Variants in TRIO observed in about 807,000 individuals in gnomAD.
The protein encoded by TRIO is trio Rho guanine nucleotide exchange factor, also known as triple functional domain protein.
Under a neutral mutation model 351.9 loss-of-function variants are expected in TRIO, and 58 were observed. That is an observed-to-expected ratio of 0.16 (90% CI 0.13 to 0.21). The LOEUF (loss-of-function observed/expected upper bound fraction) is 0.21. TRIO is among the 10% of genes least tolerant of loss of function. TRIO has a pLI of 1.00. For synonymous variants in TRIO, 1,758 were observed against 1,595.7 expected (o/e 1.10, Z -2.42); for missense variants, 3,201 against 4,027.8 (o/e 0.79, Z 5.56).
At chr5:14,429,476 T>C (rs1162754302) in intron 34 of TRIO, among the ~76,000 whole-genome samples, 1 of 152,216 alleles carries the variant, frequency 6.6e-6, no homozygotes, top group Non-Finnish European at 1.5e-5. Flanking sequence ...TGCCTTAAAT[T>C]GTTCTGGCTA....
chr5:14,452,061 T>A lies in TRIO; in HGVS notation c.5204-8958T>A, dbSNP rs531074191. Among the ~76,000 whole-genome samples, 3 of 152,380 alleles carry A rather than the reference T, an allele frequency of 2.0e-5. No homozygotes were observed. In the South Asian group the frequency reaches 6.2e-4, roughly 32 times the overall value. On this transcript the variant is annotated intron_variant, in intron 34 of 56. Transcript: ENST00000344204. ...CCTGTCTCATCGGAAACGCCCTGGC[T>A]GTCAATCGGCAGCAGACCCACATGT...
At chr5:14,213,713 T>A (rs183638635) in intron 1 of TRIO, among the ~76,000 whole-genome samples, 1 of 152,242 alleles carries the variant, frequency 6.6e-6, no homozygotes, top group Admixed American at 6.5e-5. Flanking sequence ...TCTATGAGCA[T>A]TCTGACCTTA....
At chr5:14,476,176 A>C (rs998207538) in intron 40 of TRIO, among the ~76,000 whole-genome samples, 1 of 152,250 alleles carries the variant, frequency 6.6e-6, no homozygotes, top group African/African-American at 2.4e-5. Flanking sequence ...TCTTAGAATG[A>C]ATATGAAATT....
At chr5:14,392,256 A>G (rs1561433097) in intron 27 of TRIO, among the ~76,000 whole-genome samples, 1 of 151,698 alleles carries the variant, frequency 6.6e-6, no homozygotes, top group Non-Finnish European at 1.5e-5. Context: ...AAAAAAACCT[A>G]TCAAAAAGTG....
At chr5:14,361,710 C>G (rs1216457147) in intron 13 of TRIO, among the ~76,000 whole-genome samples, 1 of 152,218 alleles carries the variant, frequency 6.6e-6, no homozygotes, top group African/African-American at 2.4e-5. Context: ...TGTGGACAGT[C>G]CTCCTGTGGA....
chr5:14,404,125 G>A (rs549728915), intron 31 of TRIO, among the ~76,000 whole-genome samples: 10 of 151,934 alleles, frequency 6.6e-5, no homozygotes, highest in African/African-American at 2.2e-4. Context: ...TAGAGGTATC[G>A]TGCTGCTGGT....
intron 1 of TRIO, among the ~76,000 whole-genome samples, chr5:14,167,233 G>C (rs558161858): frequency 2.6e-4 from 40 of 151,758 alleles, no homozygotes; most frequent in South Asian, 2.3e-3. Context: ...CAGTAACTCT[G>C]GGGGGAAGAT....
chr5:14,291,292 T>A, intron 5 of TRIO, 64 bp downstream of exon 5: 1 of 1,540,158 alleles, frequency 6.5e-7, no homozygotes, highest in African/African-American at 1.4e-5. Flanking sequence ...TGGGTTCGGG[T>A]GGAAGGAAAG....
At chr5:14,364,563 C>G in intron 14 of TRIO, 87 bp from the exon 15 acceptor site, 1 of 1,497,296 alleles carries the variant, frequency 6.7e-7, no homozygotes, top group Non-Finnish European at 9.0e-7. Flanking sequence ...AGATCATTCA[C>G]AAAAGCAGAT....
chr5:14,277,983 A>G (rs1236275074), intron 2 of TRIO, among the ~76,000 whole-genome samples: 1 of 152,252 alleles, frequency 6.6e-6, no homozygotes, highest in Non-Finnish European at 1.5e-5. Context: ...TAAAATTGTA[A>G]AAATATCCCA....
intron 48 of TRIO, among the ~76,000 whole-genome samples, chr5:14,491,755 C>G (rs918996780): frequency 2.0e-5 from 3 of 152,168 alleles, no homozygotes; most frequent in African/African-American, 7.2e-5. Flanking sequence ...TCGGGTCCCA[C>G]AGGGGCAGCG....
chr5:14,303,614 T>C (rs1350824705), intron 7 of TRIO, among the ~76,000 whole-genome samples: 2 of 149,594 alleles, frequency 1.3e-5, no homozygotes, highest in Non-Finnish European at 3.0e-5. Flanking sequence ...GCTGCAGGAA[T>C]TGATGATCCT....
chr5:14,414,813 G>A (rs940215398), intron 33 of TRIO, among the ~76,000 whole-genome samples: 6 of 152,158 alleles, frequency 3.9e-5, no homozygotes, highest in Admixed American at 6.5e-5. Context: ...GGGTGTTGGC[G>A]TGAGCACGGA....
chr5:14,164,525 CCGATTTTCATT>C (rs773798240), intron 1 of TRIO, among the ~76,000 whole-genome samples: 31 of 152,168 alleles, frequency 2.0e-4, no homozygotes, highest in Non-Finnish European at 3.4e-4. Context: ...GTTCAAGAAT[CCGATTTTCATT>C]GAGGGCACAA....
In TRIO at chr5:14,509,378, TTG is replaced by T. The variant is rs34555056; in HGVS notation, c.*966_*967del. 1 of 447,098 alleles carries T rather than the reference TTG, an allele frequency of 2.2e-6. No homozygotes were observed. Among genetic ancestry groups the T allele is most frequent in the East Asian group, 6.6e-5 (1 of 15,240 alleles). The allele number at this position is 447,098 out of a possible 1,614,324, so 27.7% of individuals were successfully genotyped here. ...ACTTCGTATGGTGAGCTTTATGGTT[TTG>T]TGTGTGTGTTGGGGTTGGCGGGTGG... On this transcript the variant is annotated 3_prime_UTR_variant, in exon 57 of 57. Coordinates refer to ENST00000344204, the MANE Select transcript of TRIO (RefSeq NM_007118.4).
chr5:14,268,610 G>C (rs1303666120), intron 1 of TRIO, among the ~76,000 whole-genome samples: 1 of 152,176 alleles, frequency 6.6e-6, no homozygotes, highest in East Asian at 1.9e-4. Flanking sequence ...AGCAACAGAA[G>C]GGGGAATCCT....
intron 31 of TRIO, among the ~76,000 whole-genome samples, chr5:14,402,092 G>T (rs1748119424): frequency 6.6e-6 from 1 of 152,188 alleles, no homozygotes. Flanking sequence ...GCTCTGGCTA[G>T]TACTGGCATA....
chr5:14,197,689 A>G (rs369867660), intron 1 of TRIO, among the ~76,000 whole-genome samples: 2 of 152,362 alleles, frequency 1.3e-5, no homozygotes, highest in East Asian at 1.9e-4. Context: ...TGGGTCAGAC[A>G]GAGGACTTTA....
At chr5:14,460,717 G>T (rs943448603) in intron 34 of TRIO, among the ~76,000 whole-genome samples, 13 of 152,202 alleles carry the variant, frequency 8.5e-5, no homozygotes, top group African/African-American at 3.1e-4. Flanking sequence ...TTTATGTGAT[G>T]AATGACATCT....
Sources: allele counts gnomAD v4.1 joint callset (sites outside exome capture counted in the v4.1 genomes callset), GRCh38; gene constraint gnomAD v4.1.1; transcripts MANE v1.5; gene names NCBI Gene and HGNC (gene_info 2026-07-23, HGNC 2026-07-21).